Variants in ST6GALNAC3 observed in about 807,000 individuals in gnomAD.
ST6GALNAC3 encodes the protein ST6 N-acetylgalactosaminide alpha-2,6-sialyltransferase 3.
In ST6GALNAC3, 25 loss-of-function variants were observed where a neutral mutation model predicts 32.7. The ratio of observed to expected loss-of-function variants is 0.76; its 90% CI spans 0.56 to 1.07. The LOEUF (loss-of-function observed/expected upper bound fraction) is 1.07, where lower values mean the gene tolerates loss of function less well. Among genes scored for constraint, ST6GALNAC3 ranks in the 50% least tolerant of loss-of-function variants. ST6GALNAC3 has a pLI of 0.00. For synonymous variants in ST6GALNAC3, 129 were observed against 133.1 expected, an observed-to-expected ratio of 0.97 and a Z score of 0.21; for missense variants, 355 against 382.4, an observed-to-expected ratio of 0.93 and a Z score of 0.60.
chr1:76,525,156 A>G (rs1178738402), intron 3 of ST6GALNAC3, among the ~76,000 whole-genome samples: 1 of 152,132 alleles, frequency 6.6e-6, no homozygotes, highest in Non-Finnish European at 1.5e-5. Flanking sequence ...TTCAAATTTC[A>G]GGAAAAAAGT....
intron 1 of ST6GALNAC3, among the ~76,000 whole-genome samples, chr1:76,088,864 C>T (rs1343042473): frequency 1.3e-5 from 2 of 152,118 alleles, no homozygotes; most frequent in African/African-American, 4.8e-5. Flanking sequence ...GATCCGGTGG[C>T]ATGAAGGAAC....
chr1:76,624,152 C>T (rs1375026430), intron 3 of ST6GALNAC3, among the ~76,000 whole-genome samples: 1 of 151,876 alleles, frequency 6.6e-6, no homozygotes, highest in African/African-American at 2.4e-5. Flanking sequence ...TGAGCCTCCC[C>T]CATCTGAATC....
At chr1:76,411,658 C>T (rs1426573949) in intron 2 of ST6GALNAC3, among the ~76,000 whole-genome samples, 1 of 152,056 alleles carries the variant, frequency 6.6e-6, no homozygotes, top group Non-Finnish European at 1.5e-5. Context: ...TTACAAAGAT[C>T]AAATCTTTTC....
chr1:76,358,500 C>T (rs1557820030), intron 2 of ST6GALNAC3, among the ~76,000 whole-genome samples: 1 of 152,120 alleles, frequency 6.6e-6, no homozygotes, highest in East Asian at 1.9e-4. Context: ...GTTTTTACCT[C>T]CTAATGTATC....
At chr1:76,104,802 T>C (rs1432797783) in intron 1 of ST6GALNAC3, among the ~76,000 whole-genome samples, 1 of 152,160 alleles carries the variant, frequency 6.6e-6, no homozygotes, top group East Asian at 1.9e-4. Context: ...GGGGAGGCCT[T>C]ACAATCGTGG....
At chr1:76,540,364 G>C (rs1476321984) in intron 3 of ST6GALNAC3, among the ~76,000 whole-genome samples, 1 of 152,080 alleles carries the variant, frequency 6.6e-6, no homozygotes, top group African/African-American at 2.4e-5. Context: ...TGGGGAGTGG[G>C]GGGTGAGGTG....
chr1:76,361,977 C>CAAAAA (rs386367380), intron 2 of ST6GALNAC3, among the ~76,000 whole-genome samples: 6,947 of 62,538 alleles, frequency 0.11, 292 homozygotes, highest in East Asian at 0.27. Context: ...GACTCTGTAT[C>CAAAAA]AAAAAAAAAA....
chr1:76,376,307 A>C (rs991091487), intron 2 of ST6GALNAC3, among the ~76,000 whole-genome samples: 1 of 152,166 alleles, frequency 6.6e-6, no homozygotes, highest in Non-Finnish European at 1.5e-5. Context: ...CACCAATTTT[A>C]CATGCCTTTG....
At chr1:76,548,610 CCTAA>C (rs1176613579) in intron 3 of ST6GALNAC3, among the ~76,000 whole-genome samples, 1 of 152,142 alleles carries the variant, frequency 6.6e-6, no homozygotes, top group Middle Eastern at 3.2e-3. Context: ...CCCAGAGACT[CCTAA>C]CTATCTCTGA....
At chr1:76,522,300 T>A (rs183183618) in intron 3 of ST6GALNAC3, among the ~76,000 whole-genome samples, 77 of 152,298 alleles carry the variant, frequency 5.1e-4, no homozygotes, top group Non-Finnish European at 8.7e-4. Context: ...GCTTTTAGTT[T>A]GCTGATTTTT....
intron 1 of ST6GALNAC3, among the ~76,000 whole-genome samples, chr1:76,258,114 G>C (rs1658020784): frequency 6.6e-6 from 1 of 152,168 alleles, no homozygotes; most frequent in South Asian, 2.1e-4. Context: ...TACTCTAACA[G>C]ATATGTTCTC....
intron 1 of ST6GALNAC3, among the ~76,000 whole-genome samples, chr1:76,102,122 A>G (rs1366616664): frequency 6.6e-6 from 1 of 152,016 alleles, no homozygotes; most frequent in East Asian, 1.9e-4. Context: ...TCTTTTTCTC[A>G]ATTACAAAGG....
intron 1 of ST6GALNAC3, among the ~76,000 whole-genome samples, chr1:76,204,961 A>G (rs1299360079): frequency 6.6e-6 from 1 of 152,204 alleles, no homozygotes; most frequent in Non-Finnish European, 1.5e-5. Context: ...GGAAAATGCC[A>G]TGCACATAGT....
In ST6GALNAC3 at chr1:76,505,844, G is replaced by T. The variant is rs544019137; in HGVS notation, c.623+93427G>T. On this transcript the variant is annotated intron_variant, in intron 3 of 4. Coordinates refer to ENST00000328299, the MANE Select transcript of ST6GALNAC3 (RefSeq NM_152996.4). ...TTAAAATAGATGCATGGGGCAACGT[G>T]TGCATGGGGAAAGTGGGTGCAGCTT... Among the ~76,000 whole-genome samples the T allele has an allele frequency of 6.5e-3, 995 of 152,268 alleles. 17 individuals are homozygous for T. Among genetic ancestry groups the T allele is most frequent in the African/African-American group, 0.023 (965 of 41,550 alleles).
At chr1:76,092,258 G>A (rs158621) in intron 1 of ST6GALNAC3, among the ~76,000 whole-genome samples, 44,480 of 152,052 alleles carry the variant, frequency 0.29, 6,715 homozygotes, top group Middle Eastern at 0.34. Flanking sequence ...TGCCTAATAC[G>A]TATTTTTAGA....
intron 3 of ST6GALNAC3, among the ~76,000 whole-genome samples, chr1:76,626,971 A>G (rs982281747): frequency 6.6e-6 from 1 of 151,920 alleles, no homozygotes; most frequent in Non-Finnish European, 1.5e-5. Flanking sequence ...AGTTATTCAC[A>G]TACACTGCAT....
At chr1:76,626,427 G>A (rs1346435981) in intron 3 of ST6GALNAC3, among the ~76,000 whole-genome samples, 1 of 151,900 alleles carries the variant, frequency 6.6e-6, no homozygotes, top group East Asian at 1.9e-4. Flanking sequence ...AGTCACACTG[G>A]CTAAAGACAA....
intron 1 of ST6GALNAC3, among the ~76,000 whole-genome samples, chr1:76,110,245 A>G (rs1647828114): frequency 6.6e-6 from 1 of 152,208 alleles, no homozygotes; most frequent in Non-Finnish European, 1.5e-5. Context: ...GGTCACCTAT[A>G]CCTTTTACAC....
chr1:76,301,783 G>A (rs188188256), intron 1 of ST6GALNAC3, among the ~76,000 whole-genome samples: 42 of 151,950 alleles, frequency 2.8e-4, no homozygotes, highest in African/African-American at 9.2e-4. Flanking sequence ...TATGAGAAGT[G>A]GGTGGGATAT....
Sources: gnomAD v4.1 joint callset for allele counts (sites outside exome capture counted in the v4.1 genomes callset) on GRCh38, gnomAD v4.1.1 for gene constraint, MANE v1.5 for transcripts, NCBI Gene and HGNC (gene_info 2026-07-23, HGNC 2026-07-21) for gene names.